UNC13D: variants seen among roughly 807,000 people sequenced by gnomAD.
UNC13D encodes the protein unc-13 homolog D, also known as protein unc-13 homolog D.
In UNC13D, 115 loss-of-function variants were observed where a neutral mutation model predicts 151.7. The ratio of observed to expected loss-of-function variants is 0.76; its 90% CI spans 0.65 to 0.88. The LOEUF is 0.88. UNC13D is among the 40% of genes least tolerant of loss of function. The pLI, the probability that UNC13D is intolerant of heterozygous loss-of-function variation, is 0.00. For missense variants in UNC13D, 1,369 were observed against 1,438.7 expected (o/e 0.95, Z 0.78); for synonymous variants, 588 against 612.2 (o/e 0.96, Z 0.58).
chr17:75,844,185 C>G, intron 1 of UNC13D, 36 bp downstream of exon 1: 1 of 1,606,116 alleles, frequency 6.2e-7, no homozygotes, highest in Non-Finnish European at 8.5e-7. Flanking sequence ...CAGTGCTCCC[C>G]AAGGCCAGCT....
intron 25 of UNC13D, 130 bp from the exon 26 acceptor site, chr17:75,831,478 C>G: frequency 1.3e-6 from 1 of 790,010 alleles, no homozygotes; most frequent in African/African-American, 1.7e-5. Flanking sequence ...CCCCCAACCT[C>G]CCCCTCCGCC....
intron 2 of UNC13D, 99 bp downstream of exon 2, chr17:75,843,385 C>T: frequency 6.4e-7 from 1 of 1,565,614 alleles, no homozygotes; most frequent in South Asian, 1.2e-5. Context: ...CAGGAGTCCC[C>T]TCCCCACCGC....
intron 25 of UNC13D, chr17:75,831,622 G>C (rs1438699504): frequency 5.8e-6 from 3 of 513,364 alleles, no homozygotes; most frequent in African/African-American, 1.9e-5. Flanking sequence ...GCACAAACAA[G>C]GCTGGAGACA....
chr17:75,834,022 G>A (rs769317102), intron 24 of UNC13D, 53 bp downstream of exon 24: 404 of 1,607,996 alleles, frequency 2.5e-4, no homozygotes, highest in Non-Finnish European at 3.4e-4. Context: ...AATGACCCCA[G>A]ATCTACAGAG....
rs1200532513 is a variant in UNC13D at position 75,832,124 on chromosome 17, TA to T, written c.2448-777del. ...AGAGCGAGACTCCGTCTCAAAAAAA[TA>T]AAAAATATATATACATGGTTTAAGA... On this transcript the variant is annotated intron_variant, in intron 25 of 31. Coordinates refer to ENST00000207549, the MANE Select transcript of UNC13D (RefSeq NM_199242.3). The surrounding 1 kb of genome is among the most constrained non-coding windows in gnomAD (Gnocchi z 4.3). 1.3e-5 allele frequency: 2 copies of T among 148,738 alleles called. No homozygotes were observed. Among genetic ancestry groups the T allele is most frequent in the African/African-American group, 4.9e-5 (2 of 40,626 alleles). 9.2% of individuals were successfully genotyped at this position (148,738 alleles called of 1,614,324 possible). A position where few individuals can be genotyped will look rare whatever the true frequency, so the allele number is the denominator to read the frequency against.
chr17:75,836,817 C>A lies in UNC13D; in HGVS notation c.1157G>T (p.Arg386Leu). 6.2e-7 allele frequency: 1 copy of A among 1,613,932 alleles called. No individual in the cohort carries two copies. The highest frequency in any genetic ancestry group is 8.5e-7 in the Non-Finnish European group (1 of 1,180,032). ...CATGCCTACCTGTTCTGCCTTGAGCCGACCCTGGATCCACTGGTACTCGAT... is the reference window on the plus strand; with the variant it reads ...CATGCCTACCTGTTCTGCCTTGAGCAGACCCTGGATCCACTGGTACTCGAT... The part of the protein sequence containing the change: ...TSIEYQWIQG[R>L]LKAEQQEELA... The change falls in exon 13 of 32, where the codon CGG becomes CTG. Residue 386 changes from arginine to leucine, a missense_variant. Coordinates refer to ENST00000207549, the MANE Select transcript of UNC13D (RefSeq NM_199242.3).
chr17:75,836,837 C>T lies in UNC13D; in HGVS notation c.1137G>A (p.Glu379=), dbSNP rs539102307. The T allele has an allele frequency of 1.2e-6, 2 of 1,614,036 alleles. No homozygotes were observed. The highest frequency in any genetic ancestry group is 4.5e-5 in the East Asian group (2 of 44,884). The change falls in exon 13 of 32, where the codon GAG becomes GAA. Residue 379 remains glutamate, a synonymous_variant. Coordinates refer to ENST00000207549, the MANE Select transcript of UNC13D (RefSeq NM_199242.3). ...SCLLHPITSI[E]YQWIQGRLKA... ...TGAGCCGACCCTGGATCCACTGGTA[C>T]TCGATGCTGGTGATGGGGTGCAGGA...
In UNC13D at chr17:75,830,388, G is replaced by T; in HGVS notation, c.2804C>A (p.Ser935Tyr). Residue 935 changes from serine (S) to tyrosine (Y), a missense_variant, in exon 29 of 32, where the codon TCC (serine) becomes TAC (tyrosine). Around this residue, in one of 3 missense-constraint regions of UNC13D, gnomAD observed 807 missense variants for 795.5 expected, o/e 1.01. Transcript: ENST00000207549. The part of the protein sequence containing the change: ...QKLRVELLSA[S>Y]SLLPLDSNGS... ...ATTGGAGTCCAGGGGCAGCAGGCTG[G>T]AGGCGCTGAGCAGCTCCACACGCAG... 6.3e-7 allele frequency: 1 copy of T among 1,590,820 alleles called. No homozygotes were observed. The highest frequency in any genetic ancestry group is 2.3e-5 in the East Asian group (1 of 44,070).
rs570241365 is a variant in UNC13D, at chr17:75,829,320, G to C, written c.2955-337C>G. On this transcript the variant is annotated intron_variant, in intron 30 of 31. Coordinates refer to ENST00000207549, the MANE Select transcript of UNC13D (RefSeq NM_199242.3). Reference sequence around the variant, plus strand: ...GAAGCAAACTTTTTTTTCTGAGACGGAGTCTTGCTCTGTCACCTAGGCTGG... The same window carrying C: ...GAAGCAAACTTTTTTTTCTGAGACGCAGTCTTGCTCTGTCACCTAGGCTGG... Among the ~76,000 whole-genome samples the C allele has an allele frequency of 3.3e-5, 5 of 152,320 alleles. No individual in the cohort carries two copies. The South Asian group carries it at 1.0e-3, about 32-fold the overall frequency.
chr17:75,844,270 C>T lies in UNC13D; in HGVS notation c.68G>A (p.Arg23His), dbSNP rs554971343. 28 of 1,612,728 alleles carry T rather than the reference C, an allele frequency of 1.7e-5. No individual in the cohort carries two copies. The East Asian group carries it at 3.8e-4, about 22-fold the overall frequency. Residue 23 changes from arginine to histidine, a missense_variant, in exon 1 of 32, where the codon CGC becomes CAC. Around this residue, in one of 3 missense-constraint regions of UNC13D, gnomAD observed 550 missense variants for 609.0 expected, o/e 0.90. Coordinates refer to ENST00000207549, the MANE Select transcript of UNC13D (RefSeq NM_199242.3). The stretch of plus-strand genomic sequence containing the variant: ...ATCCTGTAGATCTCTGACTCTGCGG[C>T]GCCTTATCTTGATGGCCTGGCGCAA... ...PFLRQAIKIR[R>H]RRVRDLQDPP... is the part of the protein sequence containing the mutation.
At position 75,836,642 on chromosome 17, in the gene UNC13D, T is replaced by G. The variant is rs117221419; in HGVS notation, c.1228A>C (p.Ile410Leu). The change falls in exon 14 of 32, where the codon ATC becomes CTC. Residue 410 changes from isoleucine (I) to leucine (L), a missense_variant. Physicochemically the swap from Ile to Leu is conservative, Grantham distance 5. This residue lies in a region of UNC13D where 550 missense variants were observed against 609.0 expected (regional missense o/e 0.90). Coordinates refer to ENST00000207549, the MANE Select transcript of UNC13D (RefSeq NM_199242.3). ...SSLLTYGLSLIRRFRSVFPLS... is the reference protein window; with the variant it reads ...SSLLTYGLSLLRRFRSVFPLS... ...GGGAAGACAGAGCGGAACCTCCGGA[T>G]GAGGGAGAGGCCGTAGGTCAGCAGG... is the stretch of plus-strand genomic sequence containing the variant. 3.7e-4 allele frequency: 594 copies of G among 1,613,688 alleles called. 6 individuals are homozygous for G. In the East Asian group the frequency reaches 0.012, roughly 32 times the overall value.
At position 75,830,171 on chromosome 17, in the gene UNC13D, T is replaced by A. The variant is rs149809768; in HGVS notation, c.2831-20A>T. 544 of 1,583,038 alleles carry A rather than the reference T, an allele frequency of 3.4e-4. 3 individuals are homozygous for A. The African/African-American group carries it at 6.7e-3, about 20-fold the overall frequency. On this transcript the variant is annotated intron_variant, in intron 29 of 31. Coordinates refer to ENST00000207549, the MANE Select transcript of UNC13D (RefSeq NM_199242.3). ...TGGAGCCTGGTAAGTGGCCGGGGAGTGTGCGTCAGCTGAGGGTCTCCCAGG... is the reference window on the plus strand; with the variant it reads ...TGGAGCCTGGTAAGTGGCCGGGGAGAGTGCGTCAGCTGAGGGTCTCCCAGG...
At chr17:75,834,040 G>C (rs754131384) in intron 24 of UNC13D, 35 bp downstream of exon 24, 1 of 1,611,874 alleles carries the variant, frequency 6.2e-7, no homozygotes, top group Non-Finnish European at 8.5e-7. Flanking sequence ...GAGCTGGCAG[G>C]GTGGTGAAGG....
chr17:75,827,858 G>A lies in UNC13D; in HGVS notation c.*107C>T. On this transcript the variant is annotated 3_prime_UTR_variant, in exon 32 of 32. Coordinates refer to ENST00000207549, the MANE Select transcript of UNC13D (RefSeq NM_199242.3). ...CTCCGCATGCTGGGGCTCCCCAAGT[G>A]TTAGGCCAGGCTGGAGGGCCGCGAT... is the stretch of plus-strand genomic sequence containing the variant. 6.5e-7 allele frequency: 1 copy of A among 1,539,364 alleles called. No individual in the cohort carries two copies.
chr17:75,834,689 A>G lies in UNC13D; in HGVS notation c.2020T>C (p.Cys674Arg), dbSNP rs1294528669. The G allele has an allele frequency of 6.2e-7, 1 of 1,613,628 alleles. No homozygotes were observed. Among genetic ancestry groups the G allele is most frequent in the Admixed American group, 1.7e-5 (1 of 60,000 alleles). The change falls in exon 22 of 32, where the codon TGC (cysteine) becomes CGC (arginine). Residue 674 changes from cysteine (C) to arginine (R), a missense_variant. Cys to Arg is a radical substitution (Grantham distance 180, BLOSUM62 -3). Transcript: ENST00000207549. ...EDTCRLALVYCSLIKARAREL... is the reference protein window; with the variant it reads ...EDTCRLALVYRSLIKARAREL... ...CGGGCCCGGGCCTTTATAAGGCTGC[A>G]GTACACCAGGGCCAGGCGACAGGTG...
chr17:75,841,114 T>C (rs1189291835), intron 6 of UNC13D, 113 bp from the exon 7 acceptor site: 78 of 932,030 alleles, frequency 8.4e-5, no homozygotes, highest in Non-Finnish European at 1.1e-4. Context: ...CTGCCAAACT[T>C]CCCTCCTCCC....
chr17:75,833,135 G>C lies in UNC13D; in HGVS notation c.2368-90C>G, dbSNP rs534355824. ...CCCTGACCTGGAGGGAGGAAACAGG[G>C]CTGGGAACCGTTCTGTGAGAGCAGT... On this transcript the variant is annotated intron_variant, in intron 24 of 31. Coordinates refer to ENST00000207549, the MANE Select transcript of UNC13D (RefSeq NM_199242.3). This position sits in a 1 kb window ranked among gnomAD's most constrained non-coding sequence, Gnocchi z 4.0. 1 of 1,323,966 alleles carries C rather than the reference G, an allele frequency of 7.6e-7. No homozygotes were observed. Among genetic ancestry groups the C allele is most frequent in the Non-Finnish European group, 1.1e-6 (1 of 945,310 alleles). 82.0% of individuals were successfully genotyped at this position (1,323,966 alleles called of 1,614,324 possible).
At chr17:75,843,440 G>T in intron 2 of UNC13D, 44 bp downstream of exon 2, 1 of 1,586,272 alleles carries the variant, frequency 6.3e-7, no homozygotes, top group Non-Finnish European at 8.6e-7. Flanking sequence ...AGGACACACA[G>T]CCGCCCTCCC....
At position 75,830,430 on chromosome 17, in the gene UNC13D, C is replaced by T. The variant is rs755468315; in HGVS notation, c.2762G>A (p.Arg921His). 16 of 1,585,568 alleles carry T rather than the reference C, an allele frequency of 1.0e-5. No individual in the cohort carries two copies. The highest frequency in any genetic ancestry group is 1.2e-5 in the South Asian group (1 of 86,942). ...LGAVTVKASY[R>H]ASEQKLRVEL... is the part of the protein sequence containing the mutation. ...CACACGCAGCTTCTGCTCAGAGGCG[C>T]GGTAGGAGGCCTTGACTGTCACAGC... Residue 921 changes from arginine to histidine, a missense_variant, in exon 29 of 32, where the codon CGC becomes CAC. Physicochemically the swap from Arg to His is conservative, Grantham distance 29. This residue lies in a region of UNC13D where 807 missense variants were observed against 795.5 expected (regional missense o/e 1.01). Coordinates refer to ENST00000207549, the MANE Select transcript of UNC13D (RefSeq NM_199242.3).
Sources: gnomAD v4.1 joint callset for allele counts (sites outside exome capture counted in the v4.1 genomes callset) on GRCh38, gnomAD v4.1.1 for gene constraint, gnomAD v4.1.1 regional missense constraint, Gnocchi (gnomAD v3.1) non-coding constraint, MANE v1.5 for transcripts, NCBI Gene and HGNC (gene_info 2026-07-23, HGNC 2026-07-21) for gene names.